CREB3L1: variants seen among roughly 807,000 people sequenced by gnomAD.
The protein encoded by CREB3L1 is cyclic AMP-responsive element-binding protein 3-like protein 1.
A neutral mutation model predicts 54.5 loss-of-function variants in CREB3L1; 33 were observed. The observed-to-expected ratio is 0.61, with a 90% CI of 0.46 to 0.81. The LOEUF (loss-of-function observed/expected upper bound fraction) is 0.81, where lower values mean the gene tolerates loss of function less well. CREB3L1 is among the 30% of genes least tolerant of loss of function. CREB3L1 has a pLI of 0.00. For synonymous variants in CREB3L1, 284 were observed against 286.4 expected, an observed-to-expected ratio of 0.99 and a Z score of 0.08; for missense variants, 656 against 673.3, an observed-to-expected ratio of 0.97 and a Z score of 0.29.
Position 46,316,369 on chromosome 11 carries a change from C to G in CREB3L1, c.1115C>G (p.Thr372Ser). Reference protein sequence around the residue: ...SRPYKMAATQTGTCLMVAALC... With the variant: ...SRPYKMAATQSGTCLMVAALC... ...CCTTACAAGATGGCCGCCACCCAGA[C>G]TGGGACCTGCCTCATGGTAGGTGTG... The change falls in exon 9 of 12, where the codon ACT becomes AGT. Residue 372 changes from threonine to serine, a missense_variant. By Grantham distance (58) the Thr-to-Ser change is moderately conservative. Around this residue, in one of 3 missense-constraint regions of CREB3L1, gnomAD observed 240 missense variants for 219.8 expected, o/e 1.09. Transcript: ENST00000621158. The G allele has an allele frequency of 6.4e-7, 1 of 1,566,464 alleles. No homozygotes were observed. Among genetic ancestry groups the G allele is most frequent in the Non-Finnish European group, 8.7e-7 (1 of 1,155,168 alleles).
chr11:46,281,160 G>A (rs1391223087), intron 1 of CREB3L1, among the ~76,000 whole-genome samples: 1 of 152,160 alleles, frequency 6.6e-6, no homozygotes, highest in Non-Finnish European at 1.5e-5. Context: ...TCCTCAGAAG[G>A]GGGCTGCCCT....
chr11:46,320,673 G>A, intron 11 of CREB3L1, 37 bp from the exon 12 acceptor site: 1 of 1,601,828 alleles, frequency 6.2e-7, no homozygotes, highest in South Asian at 1.1e-5. Flanking sequence ...GAGGGTTCCT[G>A]CTGGACAGTC....
At chr11:46,284,371 C>A (rs147363635) in intron 1 of CREB3L1, among the ~76,000 whole-genome samples, 123 of 152,212 alleles carry the variant, frequency 8.1e-4, no homozygotes, top group African/African-American at 2.4e-3. Context: ...GCTTTTCTGG[C>A]CAGGCATGGT....
intron 8 of CREB3L1, among the ~76,000 whole-genome samples, chr11:46,313,184 C>A (rs1236850701): frequency 6.6e-6 from 1 of 152,174 alleles, no homozygotes; most frequent in Non-Finnish European, 1.5e-5. Flanking sequence ...CAGCAACAAT[C>A]CCTGGGAATT....
intron 8 of CREB3L1, chr11:46,315,726 G>T: frequency 5.7e-6 from 1 of 174,610 alleles, no homozygotes. Flanking sequence ...GGAGGCTAAG[G>T]CAGGAGAATC....
At chr11:46,294,975 C>T (rs1037205332) in intron 1 of CREB3L1, among the ~76,000 whole-genome samples, 1 of 152,078 alleles carries the variant, frequency 6.6e-6, no homozygotes, top group Non-Finnish European at 1.5e-5. Flanking sequence ...CAGGATTCCC[C>T]CCCACCCCTT....
chr11:46,301,004 C>CAA (rs57840608), intron 2 of CREB3L1, among the ~76,000 whole-genome samples: 198 of 37,420 alleles, frequency 5.3e-3, no homozygotes, highest in African/African-American at 0.014. Context: ...GACTCCATCT[C>CAA]AAAAAAAAAA....
rs571807480 is a variant in CREB3L1 at position 46,310,120 on chromosome 11, C to A, written c.595+53C>A. ...TTCCCCTCCAGTCATAGGCAGATAG[C>A]ATCCCCACTTCCTTGGTTCAGCCCA... On this transcript the variant is annotated intron_variant, in intron 4 of 11. Transcript: ENST00000621158. 9.2e-5 allele frequency: 121 copies of A among 1,318,130 alleles called. 1 individual carries two copies. The South Asian group carries it at 1.4e-3, about 16-fold the overall frequency. 81.7% of individuals were successfully genotyped at this position (1,318,130 alleles called of 1,614,324 possible).
chr11:46,305,696 G>GTGTATATA (rs1555222411), intron 2 of CREB3L1, among the ~76,000 whole-genome samples: 1 of 105,806 alleles, frequency 9.5e-6, no homozygotes, highest in African/African-American at 5.1e-5. Flanking sequence ...ATATATGTGT[G>GTGTATATA]TGTGTGTGTG....
Position 46,304,600 on chromosome 11 carries a change from C to G in CREB3L1, c.332-3216C>G, listed in dbSNP as rs146424496. Among the ~76,000 whole-genome samples, 68 of 152,198 alleles carry G rather than the reference C, an allele frequency of 4.5e-4. No homozygotes were observed. In the Middle Eastern group the frequency reaches 0.014, roughly 30 times the overall value. ...AAAGACAAACCTTTGTACCTCCCCC[C>G]AAACCCCATGAAGGCAGGGACATCC... On this transcript the variant is annotated intron_variant, in intron 2 of 11. Transcript: ENST00000621158.
intron 1 of CREB3L1, among the ~76,000 whole-genome samples, chr11:46,289,936 C>G (rs988424837): frequency 6.6e-5 from 10 of 152,168 alleles, no homozygotes; most frequent in African/African-American, 2.4e-4. Flanking sequence ...GTCCATCAGG[C>G]GGATCTCAGC....
chr11:46,302,861 A>G lies in CREB3L1; in HGVS notation c.331+2698A>G, dbSNP rs549099684. On this transcript the variant is annotated intron_variant, in intron 2 of 11. Coordinates refer to ENST00000621158, the MANE Select transcript of CREB3L1 (RefSeq NM_052854.4). ...CCAGGCATGGTGGCGTGCGCCTGTA[A>G]TTCCAGTTACTCAGGAGGCTGAGGC... Among the ~76,000 whole-genome samples, 3 of 152,278 alleles carry G rather than the reference A, an allele frequency of 2.0e-5. No homozygotes were observed. The South Asian group carries it at 6.2e-4, about 32-fold the overall frequency.
At chr11:46,305,677 T>A (rs1442589264) in intron 2 of CREB3L1, among the ~76,000 whole-genome samples, 1 of 114,932 alleles carries the variant, frequency 8.7e-6, no homozygotes, top group Non-Finnish European at 1.7e-5. Flanking sequence ...TATATATGTG[T>A]GTGTGTGTAT....
intron 2 of CREB3L1, among the ~76,000 whole-genome samples, chr11:46,300,648 C>T (rs1939283221): frequency 6.6e-6 from 1 of 152,130 alleles, no homozygotes; most frequent in African/African-American, 2.4e-5. Context: ...GCAGGTGGAT[C>T]ACCCGAGGTC....
intron 1 of CREB3L1, among the ~76,000 whole-genome samples, chr11:46,287,093 C>T (rs992477720): frequency 1.3e-5 from 2 of 152,214 alleles, no homozygotes; most frequent in African/African-American, 2.4e-5. Flanking sequence ...TTCAGCACTG[C>T]TTAGACCTGG....
chr11:46,314,744 G>A (rs1939540842), intron 8 of CREB3L1, among the ~76,000 whole-genome samples: 1 of 141,322 alleles, frequency 7.1e-6, no homozygotes, highest in Non-Finnish European at 1.5e-5. Flanking sequence ...GTCTTGCTCT[G>A]TCGCCCAGGC....
chr11:46,296,047 TG>T (rs1481101139), intron 1 of CREB3L1, among the ~76,000 whole-genome samples: 1 of 152,196 alleles, frequency 6.6e-6, no homozygotes, highest in African/African-American at 2.4e-5. Flanking sequence ...AAGGCACCCC[TG>T]TAGGACGCTC....
intron 2 of CREB3L1, among the ~76,000 whole-genome samples, chr11:46,302,294 G>A (rs188931023): frequency 4.6e-5 from 7 of 151,982 alleles, no homozygotes; most frequent in African/African-American, 1.7e-4. Context: ...CGCTACTTGA[G>A]AGAGATTCCT....
intron 1 of CREB3L1, among the ~76,000 whole-genome samples, chr11:46,289,454 T>C (rs1313269132): frequency 6.6e-6 from 1 of 152,124 alleles, no homozygotes; most frequent in Non-Finnish European, 1.5e-5. Flanking sequence ...CTGGATCCCA[T>C]TGTGTGTAAT....
Sources: allele counts gnomAD v4.1 joint callset (sites outside exome capture counted in the v4.1 genomes callset), GRCh38; gene constraint gnomAD v4.1.1; regional missense constraint gnomAD v4.1.1; transcripts MANE v1.5; gene names NCBI Gene and HGNC (gene_info 2026-07-23, HGNC 2026-07-21).